The following RIN2 variants were observed in gnomAD, a reference collection of about 807,000 sequenced individuals.
The protein encoded by RIN2 is Ras and Rab interactor 2.
Under a neutral mutation model 78.0 loss-of-function variants are expected in RIN2, and 36 were observed. The ratio of observed to expected loss-of-function variants is 0.46; its 90% CI spans 0.35 to 0.61. RIN2 has a LOEUF of 0.61. Ranked by LOEUF, RIN2 falls within the 20% of genes least tolerant of loss-of-function variation. The pLI is 0.00. For synonymous variants in RIN2, 466 were observed against 466.8 expected (o/e 1.00, Z 0.02); for missense variants, 1,087 against 1,159.7 (o/e 0.94, Z 0.91).
chr20:19,876,349 T>C (rs997747268), intron 2 of RIN2, among the ~76,000 whole-genome samples: 1 of 152,146 alleles, frequency 6.6e-6, no homozygotes, highest in Non-Finnish European at 1.5e-5. Flanking sequence ...TTGATTTCTG[T>C]CTACTCTCTG....
At chr20:19,997,036 A>G (rs2042990988) in intron 12 of RIN2, among the ~76,000 whole-genome samples, 194 bp downstream of exon 12, 1 of 152,182 alleles carries the variant, frequency 6.6e-6, no homozygotes, top group Non-Finnish European at 1.5e-5. Flanking sequence ...ACTTGGCCCA[A>G]GTTTTGCTGT....
chr20:19,888,875 A>G (rs923241263), intron 2 of RIN2, among the ~76,000 whole-genome samples: 2 of 152,218 alleles, frequency 1.3e-5, no homozygotes, highest in East Asian at 1.9e-4. Context: ...AGCAGGGGAA[A>G]TTCCAAGCCC....
chr20:19,848,524 G>A (rs1286451977), intron 2 of RIN2, among the ~76,000 whole-genome samples: 1 of 109,822 alleles, frequency 9.1e-6, no homozygotes, highest in Admixed American at 1.2e-4. Context: ...GACAGAGCAA[G>A]ACTCCATCTC....
At chr20:19,811,353 T>C (rs1490233595) in intron 2 of RIN2, among the ~76,000 whole-genome samples, 1 of 152,086 alleles carries the variant, frequency 6.6e-6, no homozygotes, top group African/African-American at 2.4e-5. Context: ...AGCTGGGGTG[T>C]TTATCCACAA....
chr20:19,898,314 T>G (rs556909321), intron 3 of RIN2, among the ~76,000 whole-genome samples: 42 of 152,294 alleles, frequency 2.8e-4, no homozygotes, highest in African/African-American at 9.9e-4. Flanking sequence ...CAGGTTCCCC[T>G]CAATGATGTA....
At chr20:19,911,541 C>T (rs1359000796) in intron 3 of RIN2, among the ~76,000 whole-genome samples, 1 of 152,178 alleles carries the variant, frequency 6.6e-6, no homozygotes, top group East Asian at 1.9e-4. Flanking sequence ...AAGTAAAAGA[C>T]ACAAGCCAAA....
intron 2 of RIN2, among the ~76,000 whole-genome samples, chr20:19,828,816 C>A (rs1600554399): frequency 6.6e-6 from 1 of 152,168 alleles, no homozygotes. Context: ...ATTTCCTCCA[C>A]CATCCTAGGT....
At chr20:19,866,907 G>C (rs1367004646) in intron 2 of RIN2, among the ~76,000 whole-genome samples, 1 of 152,164 alleles carries the variant, frequency 6.6e-6, no homozygotes, top group Non-Finnish European at 1.5e-5. Flanking sequence ...TTACAGGAGT[G>C]AGCCACCATA....
chr20:19,992,365 CG>C, intron 11 of RIN2, 66 bp downstream of exon 11: 1 of 1,434,448 alleles, frequency 7.0e-7, no homozygotes, highest in Middle Eastern at 1.8e-4. Flanking sequence ...ATAATTGAGA[CG>C]AAATTCATGT....
intron 4 of RIN2, among the ~76,000 whole-genome samples, chr20:19,949,050 C>T (rs546207486): frequency 3.3e-4 from 48 of 147,504 alleles, no homozygotes; most frequent in East Asian, 1.2e-3. Flanking sequence ...GAGGCCAAGG[C>T]GGGGGATTGC....
At chr20:19,867,763 T>G (rs1470787712) in intron 2 of RIN2, among the ~76,000 whole-genome samples, 1 of 152,244 alleles carries the variant, frequency 6.6e-6, no homozygotes, top group Admixed American at 6.5e-5. Flanking sequence ...GATGGTGGTG[T>G]CCACCAAGTT....
At chr20:19,839,369 C>T (rs1002532527) in intron 2 of RIN2, among the ~76,000 whole-genome samples, 5 of 152,222 alleles carry the variant, frequency 3.3e-5, no homozygotes, top group African/African-American at 7.2e-5. Context: ...CTAGATCCGC[C>T]GTATCATACC....
intron 2 of RIN2, among the ~76,000 whole-genome samples, chr20:19,863,469 ATGGAAGTCAGC>A (rs1240425762): frequency 6.6e-6 from 1 of 152,098 alleles, no homozygotes; most frequent in Non-Finnish European, 1.5e-5. Flanking sequence ...CCAATGACTG[ATGGAAGTCAGC>A]TGTATCAGTA....
chr20:19,983,493 A>C (rs765167922), intron 9 of RIN2, among the ~76,000 whole-genome samples: 10 of 152,072 alleles, frequency 6.6e-5, no homozygotes, highest in Non-Finnish European at 1.5e-4. Context: ...ATGCCCAATA[A>C]ATGTTAGCAA....
rs1278324138 is a variant in RIN2 at position 19,889,551 on chromosome 20, T to G, written c.-36-15T>G. 2.8e-5 allele frequency: 43 copies of G among 1,546,916 alleles called. No homozygotes were observed. Among genetic ancestry groups the G allele is most frequent in the Non-Finnish European group, 3.0e-5 (34 of 1,144,114 alleles). ...TACAGGCTGGACTAACCATTAAAAA[T>G]GTCTCTACCTTCAGGAGTCCCCGGC... On this transcript the variant is annotated splice_polypyrimidine_tract_variant and intron_variant, in intron 2 of 12. Coordinates refer to ENST00000255006, the MANE Select transcript of RIN2 (RefSeq NM_018993.4).
intron 6 of RIN2, among the ~76,000 whole-genome samples, chr20:19,962,469 G>A (rs558977826): frequency 9.5e-4 from 144 of 152,250 alleles, no homozygotes; most frequent in African/African-American, 2.8e-3. Context: ...AAGCTTCCTC[G>A]TTGTTCATTG....
intron 2 of RIN2, among the ~76,000 whole-genome samples, chr20:19,880,121 C>T (rs2037975561): frequency 6.6e-6 from 1 of 151,836 alleles, no homozygotes; most frequent in Non-Finnish European, 1.5e-5. Context: ...TGGTGGTGCA[C>T]ACCTGTGATC....
chr20:19,958,011 G>C (rs914536630), intron 5 of RIN2, among the ~76,000 whole-genome samples: 5 of 152,196 alleles, frequency 3.3e-5, no homozygotes, highest in Non-Finnish European at 7.3e-5. Flanking sequence ...GGAGAAGCAA[G>C]GAGAAAATCC....
intron 1 of RIN2, among the ~76,000 whole-genome samples, chr20:19,763,547 A>G (rs1436252958): frequency 1.5e-5 from 2 of 133,346 alleles, no homozygotes; most frequent in Non-Finnish European, 3.4e-5. Context: ...GAATGAATGA[A>G]TGATTAAATG....
Sources: gnomAD v4.1 joint callset for allele counts (sites outside exome capture counted in the v4.1 genomes callset) on GRCh38, gnomAD v4.1.1 for gene constraint, MANE v1.5 for transcripts, NCBI Gene and HGNC (gene_info 2026-07-23, HGNC 2026-07-21) for gene names.